The following KALRN variants were observed in gnomAD, a reference collection of about 807,000 sequenced individuals.
The protein encoded by KALRN is kalirin RhoGEF kinase, also known as kalirin.
KALRN carries 70 observed loss-of-function variants against 353.7 expected under a neutral mutation model. The observed-to-expected ratio is 0.20, with a 90% CI of 0.16 to 0.24. The LOEUF (loss-of-function observed/expected upper bound fraction) is 0.24. KALRN is among the 10% of genes least tolerant of loss of function. KALRN has a pLI of 1.00. For missense variants in KALRN, 2,791 were observed against 3,756.7 expected (o/e 0.74, Z 6.72); for synonymous variants, 1,391 against 1,434.8 (o/e 0.97, Z 0.69).
At chr3:124,522,880 A>C (rs1470394340) in intron 33 of KALRN, among the ~76,000 whole-genome samples, 1 of 152,124 alleles carries the variant, frequency 6.6e-6, no homozygotes, top group Admixed American at 6.5e-5. Flanking sequence ...AAATTGGACT[A>C]TTTTTTTGAA....
rs71145464 is a variant in KALRN, at chr3:124,618,086, C to CTTTTTTTTTT, written c.5183-14303_5183-14294dup. On this transcript the variant is annotated intron_variant, in intron 34 of 59. Transcript: ENST00000682506. ...GGAAAGAAAATACCAGTGCAGAAAT[C>CTTTTTTTTTT]TTTTTTTTTTTTTTTTTTTTTTTTT... Among the ~76,000 whole-genome samples the CTTTTTTTTTT allele has an allele frequency of 4.1e-4, 26 of 63,352 alleles. 6 individuals carry two copies. The highest frequency in any genetic ancestry group is 6.7e-4 in the Non-Finnish European group (24 of 36,064). 41.6% of individuals were successfully genotyped at this position (63,352 alleles called of 152,430 possible).
chr3:124,201,380 G>A (rs1427181258), intron 1 of KALRN, among the ~76,000 whole-genome samples: 4 of 152,214 alleles, frequency 2.6e-5, no homozygotes, highest in African/African-American at 7.2e-5. Context: ...CTTCCTTGCA[G>A]GAGGAACAAT....
chr3:124,169,432 C>T (rs1262385176), intron 1 of KALRN, among the ~76,000 whole-genome samples: 1 of 152,046 alleles, frequency 6.6e-6, no homozygotes, highest in East Asian at 1.9e-4. Context: ...TAATCCTGAG[C>T]CAGTGGTTGA....
At position 124,443,849 on chromosome 3, in the gene KALRN, G is replaced by A. The variant is rs539909861; in HGVS notation, c.3313+1790G>A. On this transcript the variant is annotated intron_variant, in intron 19 of 59. Coordinates refer to ENST00000682506, the MANE Select transcript of KALRN (RefSeq NM_001388419.1). ...TTGATTCCCTCAGTCACACCATAGA[G>A]GGAGGGAGCTTCAATGAGCAAAACT... Among the ~76,000 whole-genome samples the A allele has an allele frequency of 9.2e-5, 14 of 152,234 alleles. 1 individual carries two copies. Among genetic ancestry groups the A allele is most frequent in the African/African-American group, 3.4e-4 (14 of 41,546 alleles).
intron 23 of KALRN, among the ~76,000 whole-genome samples, chr3:124,458,770 A>G (rs1470070562): frequency 1.3e-5 from 2 of 152,112 alleles, no homozygotes; most frequent in Non-Finnish European, 2.9e-5. Flanking sequence ...CTTTGCTAAA[A>G]AAAAAATACA....
intron 1 of KALRN, among the ~76,000 whole-genome samples, chr3:124,083,407 T>C (rs1306463167): frequency 6.6e-6 from 1 of 151,956 alleles, no homozygotes; most frequent in Non-Finnish European, 1.5e-5. Flanking sequence ...TTAACACAGA[T>C]AGCTAGATGA....
intron 1 of KALRN, among the ~76,000 whole-genome samples, chr3:124,202,059 C>G (rs1182672007): frequency 6.6e-6 from 1 of 152,230 alleles, no homozygotes; most frequent in Admixed American, 6.5e-5. Context: ...TCCTACCTCC[C>G]TTCACTTGCA....
intron 5 of KALRN, among the ~76,000 whole-genome samples, chr3:124,280,904 A>G (rs761047561): frequency 2.0e-4 from 30 of 152,246 alleles, no homozygotes; most frequent in African/African-American, 6.7e-4. Context: ...CCTGTATCCC[A>G]TGGCTCTTCC....
intron 25 of KALRN, among the ~76,000 whole-genome samples, chr3:124,470,018 G>A (rs951104295): frequency 1.3e-5 from 2 of 152,146 alleles, no homozygotes; most frequent in Admixed American, 1.3e-4. Flanking sequence ...GTTAATAAAT[G>A]CCAGCAGTTT....
chr3:124,513,989 G>A (rs1471760947), intron 33 of KALRN, among the ~76,000 whole-genome samples: 2 of 152,222 alleles, frequency 1.3e-5, no homozygotes, highest in African/African-American at 4.8e-5. Context: ...TTCAGGCAGA[G>A]TAGGATGCAT....
chr3:124,597,964 G>A (rs1485606898), intron 34 of KALRN, among the ~76,000 whole-genome samples: 1 of 152,134 alleles, frequency 6.6e-6, no homozygotes, highest in Non-Finnish European at 1.5e-5. Context: ...ATGTTTGGAG[G>A]AACAGGGAGG....
chr3:124,069,480 G>A (rs552687310), intron 1 of KALRN, among the ~76,000 whole-genome samples: 2 of 152,328 alleles, frequency 1.3e-5, no homozygotes, highest in South Asian at 4.1e-4. Flanking sequence ...GTGCTAGAGA[G>A]AATCACATGA....
intron 47 of KALRN, among the ~76,000 whole-genome samples, chr3:124,670,295 T>C (rs2086241837): frequency 6.6e-6 from 1 of 152,244 alleles, no homozygotes; most frequent in Non-Finnish European, 1.5e-5. Context: ...TTCCCATATA[T>C]TTTCAATCCA....
intron 1 of KALRN, among the ~76,000 whole-genome samples, chr3:124,133,821 A>G (rs1402329139): frequency 1.3e-5 from 2 of 152,188 alleles, no homozygotes; most frequent in South Asian, 2.1e-4. Context: ...TATAACTAAA[A>G]TGGCCTTTAT....
At chr3:124,403,134 C>T (rs2091079727) in intron 13 of KALRN, among the ~76,000 whole-genome samples, 2 of 152,218 alleles carry the variant, frequency 1.3e-5, no homozygotes, top group Admixed American at 6.5e-5. Flanking sequence ...ACCTTCCCCC[C>T]TTCCCCGAGG....
At chr3:124,420,411 G>A (rs897836221) in intron 14 of KALRN, among the ~76,000 whole-genome samples, 2 of 152,382 alleles carry the variant, frequency 1.3e-5, no homozygotes, top group African/African-American at 2.4e-5. Context: ...GAGAAAGAGC[G>A]TCTGCTTCTG....
chr3:124,352,899 G>C (rs2082988314), intron 10 of KALRN, among the ~76,000 whole-genome samples: 1 of 152,108 alleles, frequency 6.6e-6, no homozygotes, highest in African/African-American at 2.4e-5. Flanking sequence ...AGCATTAGGA[G>C]AAATACCTAA....
chr3:124,225,242 T>C (rs970979503), intron 1 of KALRN, among the ~76,000 whole-genome samples: 7 of 152,244 alleles, frequency 4.6e-5, no homozygotes, highest in African/African-American at 1.7e-4. Flanking sequence ...TGGCTTTACA[T>C]AATACATATA....
At chr3:124,351,412 A>T (rs962606231) in intron 10 of KALRN, among the ~76,000 whole-genome samples, 1 of 152,160 alleles carries the variant, frequency 6.6e-6, no homozygotes, top group Non-Finnish European at 1.5e-5. Flanking sequence ...ATCATTTAGG[A>T]TTCCTTTACC....
Sources: gnomAD v4.1 joint callset for allele counts (sites outside exome capture counted in the v4.1 genomes callset) on GRCh38, gnomAD v4.1.1 for gene constraint, MANE v1.5 for transcripts, NCBI Gene and HGNC (gene_info 2026-07-23, HGNC 2026-07-21) for gene names.